The following ADAMTS14 variants were observed in gnomAD, a reference collection of about 807,000 sequenced individuals.
ADAMTS14 encodes A disintegrin and metalloproteinase with thrombospondin motifs 14.
In ADAMTS14, 100 loss-of-function variants were observed where a neutral mutation model predicts 128.6. The ratio of observed to expected loss-of-function variants is 0.78; its 90% confidence interval spans 0.66 to 0.92. The LOEUF is 0.92. ADAMTS14 is among the 40% of genes least tolerant of loss of function. The pLI is 0.00. For synonymous variants in ADAMTS14, 665 were observed against 653.8 expected (o/e 1.02, Z -0.26); for missense variants, 1,562 against 1,658.6 (o/e 0.94, Z 1.01).
intron 5 of ADAMTS14, among the ~76,000 whole-genome samples, chr10:70,729,853 T>C (rs982566043): frequency 7.2e-5 from 11 of 152,178 alleles, no homozygotes; most frequent in African/African-American, 2.4e-4. Context: ...GTTGAAGGGA[T>C]TGGAAATTGT....
intron 4 of ADAMTS14, among the ~76,000 whole-genome samples, chr10:70,712,721 G>A (rs1022853555): frequency 6.6e-6 from 1 of 152,146 alleles, no homozygotes; most frequent in Non-Finnish European, 1.5e-5. Context: ...CTCTGCATCC[G>A]ATTCCGATAA....
At chr10:70,735,359 G>T in intron 9 of ADAMTS14, 58 bp downstream of exon 9, 5 of 1,588,594 alleles carry the variant, frequency 3.1e-6, no homozygotes, top group Non-Finnish European at 3.4e-6. Context: ...GTCCTTCTGT[G>T]GCCCATGCTG....
At chr10:70,690,545 C>T (rs1037275601) in intron 2 of ADAMTS14, among the ~76,000 whole-genome samples, 14 of 145,310 alleles carry the variant, frequency 9.6e-5, no homozygotes, top group African/African-American at 2.9e-4. Context: ...CACTACAGAC[C>T]TGGCTATGCA....
intron 2 of ADAMTS14, among the ~76,000 whole-genome samples, chr10:70,696,938 A>C (rs1840348608): frequency 6.6e-6 from 1 of 152,186 alleles, no homozygotes; most frequent in Non-Finnish European, 1.5e-5. Flanking sequence ...GTATCACCCC[A>C]GCATCCAGTT....
rs116122046 is a variant in ADAMTS14, at chr10:70,677,269, G to C, written c.522+2274G>C. 8.9e-4 allele frequency among the ~76,000 whole-genome samples: 135 copies of C among 152,266 alleles called. 2 individuals carry two copies. The East Asian group carries it at 0.02, about 23-fold the overall frequency. ...GCTGGCGGATGGTGGAGGTGGGGCT[G>C]TTCAGTGGGCCTGGGGCTGGGGATT... On this transcript the variant is annotated intron_variant, in intron 2 of 21. Transcript: ENST00000373207.
At chr10:70,675,848 G>A (rs2132524831) in intron 2 of ADAMTS14, among the ~76,000 whole-genome samples, 1 of 152,354 alleles carries the variant, frequency 6.6e-6, no homozygotes. Flanking sequence ...CCCTGCCCCA[G>A]AGACATCAGA....
intron 4 of ADAMTS14, among the ~76,000 whole-genome samples, chr10:70,724,141 T>C (rs1311146741): frequency 1.3e-5 from 2 of 152,246 alleles, no homozygotes; most frequent in Non-Finnish European, 2.9e-5. Context: ...CATCTTCTCT[T>C]GTGCTGCCTT....
chr10:70,731,030 T>G (rs1841618386), intron 6 of ADAMTS14, among the ~76,000 whole-genome samples: 1 of 151,546 alleles, frequency 6.6e-6, no homozygotes, highest in African/African-American at 2.4e-5. Context: ...ATTTCTTGTC[T>G]GAATGACTGA....
At chr10:70,740,954 G>T in intron 11 of ADAMTS14, 33 bp from the exon 12 acceptor site, 1 of 1,605,608 alleles carries the variant, frequency 6.2e-7, no homozygotes, top group Non-Finnish European at 8.5e-7. Context: ...TTCCCAGCCA[G>T]CAAGGTCATC....
At chr10:70,722,176 A>T (rs1841291239) in intron 4 of ADAMTS14, among the ~76,000 whole-genome samples, 1 of 152,114 alleles carries the variant, frequency 6.6e-6, no homozygotes, top group Non-Finnish European at 1.5e-5. Flanking sequence ...ACTCAATAGG[A>T]TGCAGCATGT....
rs541278509 is a variant in ADAMTS14 at position 70,724,421 on chromosome 10, C to T, written c.871-4873C>T. Among the ~76,000 whole-genome samples, 30 of 152,362 alleles carry T rather than the reference C, an allele frequency of 2.0e-4. No homozygotes were observed. The South Asian group carries it at 4.6e-3, about 23-fold the overall frequency. ...GAAGCGATCCGTGATCTCCCCTGAGCTAGCTCCCTGGCCTCACCTCTGGTG... is the reference window on the plus strand; with the variant it reads ...GAAGCGATCCGTGATCTCCCCTGAGTTAGCTCCCTGGCCTCACCTCTGGTG... On this transcript the variant is annotated intron_variant, in intron 4 of 21. Coordinates refer to ENST00000373207, the MANE Select transcript of ADAMTS14 (RefSeq NM_080722.4).
At chr10:70,695,243 C>A (rs1373938638) in intron 2 of ADAMTS14, among the ~76,000 whole-genome samples, 1 of 152,166 alleles carries the variant, frequency 6.6e-6, no homozygotes, top group East Asian at 1.9e-4. Flanking sequence ...TTTATATATT[C>A]CAGATACAAG....
At chr10:70,710,949 C>T (rs985711235) in intron 4 of ADAMTS14, among the ~76,000 whole-genome samples, 13 of 152,216 alleles carry the variant, frequency 8.5e-5, no homozygotes, top group African/African-American at 3.1e-4. Context: ...GGTCCATAAT[C>T]TGGCTGCACC....
chr10:70,703,201 G>A (rs1468783477), intron 3 of ADAMTS14, among the ~76,000 whole-genome samples: 1 of 152,204 alleles, frequency 6.6e-6, no homozygotes, highest in Non-Finnish European at 1.5e-5. Context: ...CAGTGCAGGA[G>A]GCTACACACC....
chr10:70,702,190 A>AG, intron 2 of ADAMTS14, 122 bp from the exon 3 acceptor site: 1 of 1,416,198 alleles, frequency 7.1e-7, no homozygotes, highest in Non-Finnish European at 9.6e-7. Flanking sequence ...AAGGTCCTGG[A>AG]GGAAGAGCCT....
At chr10:70,692,273 A>T (rs2132568266) in intron 2 of ADAMTS14, among the ~76,000 whole-genome samples, 1 of 152,190 alleles carries the variant, frequency 6.6e-6, no homozygotes, top group South Asian at 2.1e-4. Flanking sequence ...CAGGCGGAGG[A>T]GGGAAGTAAA....
intron 2 of ADAMTS14, among the ~76,000 whole-genome samples, chr10:70,679,297 G>A (rs946348096): frequency 2.0e-5 from 3 of 152,204 alleles, no homozygotes; most frequent in Non-Finnish European, 4.4e-5. Context: ...GGGATGTGGG[G>A]GCGGGGCCTG....
chr10:70,735,362 C>T, intron 9 of ADAMTS14, 61 bp downstream of exon 9: 1 of 1,580,062 alleles, frequency 6.3e-7, no homozygotes, highest in Non-Finnish European at 8.6e-7. Flanking sequence ...CTTCTGTGGC[C>T]CATGCTGACC....
In ADAMTS14 at chr10:70,689,548, G is replaced by T. The variant is rs923453839; in HGVS notation, c.523-12764G>T. ...TCTGGTACAGAACGGGTCCTGTGTG[G>T]CTCCATTGTGGGGATTTTTGTTGCT... is the stretch of plus-strand genomic sequence containing the variant. On this transcript the variant is annotated intron_variant, in intron 2 of 21. Coordinates refer to ENST00000373207, the MANE Select transcript of ADAMTS14 (RefSeq NM_080722.4). Among the ~76,000 whole-genome samples, 4 of 145,464 alleles carry T rather than the reference G, an allele frequency of 2.7e-5. 1 individual carries two copies. Among genetic ancestry groups the T allele is most frequent in the Admixed American group, 1.4e-4 (2 of 14,704 alleles).
Sources: gnomAD v4.1 joint callset for allele counts (sites outside exome capture counted in the v4.1 genomes callset) on GRCh38, gnomAD v4.1.1 for gene constraint, MANE v1.5 for transcripts, NCBI Gene and HGNC (gene_info 2026-07-23, HGNC 2026-07-21) for gene names.